SAMMSON: variants seen among roughly 807,000 people sequenced by gnomAD.
SAMMSON encodes the protein survival associated mitochondrial melanoma specific oncogenic non-coding RNA, also known as long intergenic non-protein coding RNA 1212.
intron 4 of SAMMSON, among the ~76,000 whole-genome samples, chr3:70,227,226 T>C (rs758159735): frequency 6.6e-6 from 1 of 152,228 alleles, no homozygotes; most frequent in Non-Finnish European, 1.5e-5. Context: ...GACTGGATTA[T>C]AGTTGTTCTT....
chr3:70,189,332 G>C (rs1701114560), intron 4 of SAMMSON, among the ~76,000 whole-genome samples: 1 of 152,168 alleles, frequency 6.6e-6, no homozygotes, highest in African/African-American at 2.4e-5. Context: ...GCAGAGAAAA[G>C]TACATTTCAG....
chr3:70,417,151 C>G (rs977956062), intron 2 of SAMMSON, among the ~76,000 whole-genome samples: 2 of 152,130 alleles, frequency 1.3e-5, no homozygotes, highest in African/African-American at 4.8e-5. Flanking sequence ...TAAAACCCAA[C>G]ACGCTTTCCT....
chr3:70,281,081 T>C (rs1239656432), intron 6 of SAMMSON, among the ~76,000 whole-genome samples: 1 of 152,234 alleles, frequency 6.6e-6, no homozygotes, highest in African/African-American at 2.4e-5. Flanking sequence ...AAATTTTGTA[T>C]GCCTTTTCTC....
intron 4 of SAMMSON, among the ~76,000 whole-genome samples, chr3:70,171,685 T>A (rs1700958373): frequency 6.6e-6 from 1 of 151,894 alleles, no homozygotes. Flanking sequence ...ACCTAAAAGA[T>A]GTTTATACTC....
At chr3:70,110,633 AG>A (rs1258134296) in intron 4 of SAMMSON, among the ~76,000 whole-genome samples, 1 of 152,142 alleles carries the variant, frequency 6.6e-6, no homozygotes. Context: ...TAGATACTGT[AG>A]GTCCAGCCAC....
At chr3:70,072,255 G>C (rs1186984657) in intron 4 of SAMMSON, 1 of 151,938 alleles carries the variant, frequency 6.6e-6, no homozygotes, top group Admixed American at 6.6e-5. Flanking sequence ...AATTAGTGAA[G>C]TCTAAGGTAT....
chr3:70,088,417 A>T (rs2067293256), intron 4 of SAMMSON, among the ~76,000 whole-genome samples: 2 of 152,186 alleles, frequency 1.3e-5, no homozygotes, highest in African/African-American at 4.8e-5. Context: ...AAGAGGAGGA[A>T]GGCAGAAATA....
intron 4 of SAMMSON, among the ~76,000 whole-genome samples, chr3:70,108,650 C>CT (rs2067376930): frequency 6.6e-6 from 1 of 151,458 alleles, no homozygotes; most frequent in Non-Finnish European, 1.5e-5. Context: ...GAGGGTGGGG[C>CT]TTTTATGATG....
intron 4 of SAMMSON, among the ~76,000 whole-genome samples, chr3:70,195,834 T>C (rs541908945): frequency 6.6e-6 from 1 of 152,230 alleles, no homozygotes; most frequent in African/African-American, 2.4e-5. Context: ...TAGATGTGTT[T>C]TCACCACAAA....
intron 4 of SAMMSON, among the ~76,000 whole-genome samples, chr3:70,149,490 C>T (rs1264731416): frequency 6.6e-6 from 1 of 152,038 alleles, no homozygotes; most frequent in East Asian, 1.9e-4. Context: ...TCAGGACCCA[C>T]CCCAGACCTA....
At chr3:70,333,266 A>G (rs954494705) in intron 7 of SAMMSON, among the ~76,000 whole-genome samples, 1 of 152,170 alleles carries the variant, frequency 6.6e-6, no homozygotes, top group Admixed American at 6.5e-5. Context: ...CTAGAACAGA[A>G]ACATGTGACC....
chr3:70,229,236 G>T (rs1701536592), intron 4 of SAMMSON, among the ~76,000 whole-genome samples: 1 of 152,188 alleles, frequency 6.6e-6, no homozygotes, highest in Non-Finnish European at 1.5e-5. Flanking sequence ...GGAAGCAAGA[G>T]AAAATTCCAG....
chr3:70,080,254 A>T (rs937163136), intron 4 of SAMMSON, among the ~76,000 whole-genome samples: 76 of 152,248 alleles, frequency 5.0e-4, no homozygotes, highest in African/African-American at 1.6e-3. Context: ...CTAAAATTTT[A>T]TGGCTTAGCT....
chr3:70,172,918 T>C (rs1700973970), intron 4 of SAMMSON: 1 of 152,020 alleles, frequency 6.6e-6, no homozygotes. Flanking sequence ...CATCACTTCA[T>C]ATCAAATGTC....
rs1360420533 is a variant in SAMMSON at position 70,290,383 on chromosome 3, G to T, written n.675-796G>T. Among the ~76,000 whole-genome samples, 3 of 152,350 alleles carry T rather than the reference G, an allele frequency of 2.0e-5. No homozygotes were observed. The East Asian group carries it at 5.8e-4, about 29-fold the overall frequency. On this transcript the variant is annotated intron_variant and non_coding_transcript_variant, in intron 6 of 9. Coordinates refer to ENST00000642114, the Ensembl canonical transcript of SAMMSON. ...CAGTTAGGCTGCTCGGGGGCCAGGG[G>T]TCAGGGACCCACTTGAGGAGGCAGT...
At chr3:70,113,489 G>A (rs1451165028) in intron 4 of SAMMSON, among the ~76,000 whole-genome samples, 1 of 152,122 alleles carries the variant, frequency 6.6e-6, no homozygotes, top group Non-Finnish European at 1.5e-5. Context: ...ATCTCACTAC[G>A]TATTTGTCTG....
intron 4 of SAMMSON, among the ~76,000 whole-genome samples, chr3:70,229,556 C>A (rs1327850792): frequency 6.6e-6 from 1 of 152,172 alleles, no homozygotes; most frequent in Non-Finnish European, 1.5e-5. Flanking sequence ...GCTGAAGGGA[C>A]ATGGGCAGAA....
At chr3:70,275,711 A>G (rs985743966) in intron 6 of SAMMSON, among the ~76,000 whole-genome samples, 1 of 152,194 alleles carries the variant, frequency 6.6e-6, no homozygotes, top group Non-Finnish European at 1.5e-5. Context: ...AGCGTCGTTG[A>G]AAGGATTAAA....
chr3:70,382,475 T>C (rs1183936153), intron 9 of SAMMSON, among the ~76,000 whole-genome samples: 1 of 152,166 alleles, frequency 6.6e-6, no homozygotes, highest in Non-Finnish European at 1.5e-5. Context: ...AGCTGGCAGC[T>C]GCTACTGGCA....
Sources: allele counts gnomAD v4.1 joint callset (sites outside exome capture counted in the v4.1 genomes callset), GRCh38; gene constraint gnomAD v4.1.1; transcripts MANE v1.5; gene names NCBI Gene and HGNC (gene_info 2026-07-23, HGNC 2026-07-21).